The following SPMIP3 variants were observed in gnomAD, a reference collection of about 807,000 sequenced individuals.
SPMIP3 encodes the protein sperm microtubule inner protein 3, also known as protein SPMIP3.
At chr1:244,381,922 G>A in the SPMIP3 span, among the ~76,000 whole-genome samples, 66 of 152,286 alleles carry the variant, frequency 4.3e-4, 1 homozygote, top group South Asian at 0.013. Context: ...GCAAGACTCC[G>A]TCTCAAAAAA....
chr1:244,373,134 A>G, the SPMIP3 span, among the ~76,000 whole-genome samples: 2 of 151,716 alleles, frequency 1.3e-5, no homozygotes, highest in Admixed American at 1.3e-4. Context: ...CAATCCCAGC[A>G]CTTCGGGAGG....
the SPMIP3 span, chr1:244,375,627 A>T: frequency 2.0e-6 from 1 of 493,988 alleles, no homozygotes. Flanking sequence ...CAAACTGTTA[A>T]TGTTTTTTTT....
chr1:244,379,534 A>G, the SPMIP3 span, among the ~76,000 whole-genome samples: 26 of 152,176 alleles, frequency 1.7e-4, no homozygotes, highest in Non-Finnish European at 2.8e-4. Flanking sequence ...CCCTTGTCAC[A>G]TGACAAAATC....
chr1:244,366,652 G>C, the SPMIP3 span, among the ~76,000 whole-genome samples: 2 of 152,130 alleles, frequency 1.3e-5, no homozygotes, highest in South Asian at 4.1e-4. Flanking sequence ...GGCCAAGGCG[G>C]GTGGATCACT....
chr1:244,364,969 A>C, the SPMIP3 span, among the ~76,000 whole-genome samples: 1 of 152,230 alleles, frequency 6.6e-6, no homozygotes, highest in South Asian at 2.1e-4. Flanking sequence ...GAGGCTGACA[A>C]ATCCAGTTTC....
chr1:244,378,512 T>A, the SPMIP3 span: 1 of 1,613,940 alleles, frequency 6.2e-7, no homozygotes. Context: ...AATATCACTA[T>A]CAGCCTCAAT....
the SPMIP3 span, chr1:244,375,618 A>G: frequency 5.7e-6 from 3 of 525,042 alleles, no homozygotes; most frequent in Non-Finnish European, 1.0e-5. Context: ...AAAATATACC[A>G]AACTGTTAAT....
the SPMIP3 span, among the ~76,000 whole-genome samples, chr1:244,359,621 G>A: frequency 3.3e-5 from 5 of 152,048 alleles, no homozygotes; most frequent in Non-Finnish European, 7.4e-5. Context: ...TACTCGGGAG[G>A]CTGAGGCAGG....
chr1:244,353,032 A>G, the SPMIP3 span, among the ~76,000 whole-genome samples: 1 of 152,020 alleles, frequency 6.6e-6, no homozygotes. Context: ...CCTAGGTTTT[A>G]AAAACTGTGA....
chr1:244,380,778 C>T, the SPMIP3 span, among the ~76,000 whole-genome samples: 2 of 152,008 alleles, frequency 1.3e-5, no homozygotes, highest in East Asian at 1.9e-4. Context: ...CTGGGCTGGG[C>T]CCCTGGGTCC....
the SPMIP3 span, chr1:244,375,628 T>C: frequency 4.0e-6 from 2 of 503,476 alleles, no homozygotes; most frequent in East Asian, 3.5e-5. Flanking sequence ...AAACTGTTAA[T>C]GTTTTTTTTT....
the SPMIP3 span, chr1:244,389,235 C>T: frequency 1.8e-6 from 1 of 549,112 alleles, no homozygotes; most frequent in South Asian, 2.1e-5. Flanking sequence ...CAGCTTAGAA[C>T]AGGGAATCAA....
At chr1:244,383,405 G>T in the SPMIP3 span, among the ~76,000 whole-genome samples, 1 of 152,116 alleles carries the variant, frequency 6.6e-6, no homozygotes, top group African/African-American at 2.4e-5. Flanking sequence ...AGCTACTCAG[G>T]AGGCTGAGTC....
the SPMIP3 span, among the ~76,000 whole-genome samples, chr1:244,377,732 G>A: frequency 1.2e-4 from 18 of 152,112 alleles, no homozygotes; most frequent in Non-Finnish European, 1.9e-4. Flanking sequence ...TTTGAGTAGG[G>A]GTACAGGAAG....
chr1:244,378,380 G>C, the SPMIP3 span: 22 of 1,375,286 alleles, frequency 1.6e-5, no homozygotes, highest in Non-Finnish European at 2.0e-5. Context: ...CCTCACGGCC[G>C]TTTCCAGGGA....
At chr1:244,372,798 C>T in the SPMIP3 span, among the ~76,000 whole-genome samples, 1 of 152,154 alleles carries the variant, frequency 6.6e-6, no homozygotes, top group Non-Finnish European at 1.5e-5. Context: ...TCCCGAAAGA[C>T]CCCACATGTC....
At chr1:244,366,829 G>T in the SPMIP3 span, among the ~76,000 whole-genome samples, 1 of 152,100 alleles carries the variant, frequency 6.6e-6, no homozygotes, top group Non-Finnish European at 1.5e-5. Flanking sequence ...GCGATGAGCC[G>T]AGATCGCACT....
the SPMIP3 span, among the ~76,000 whole-genome samples, chr1:244,354,189 A>AG: frequency 0.73 from 110,907 of 151,848 alleles, 41,262 homozygotes; most frequent in East Asian, 0.95. Context: ...ACATAACATC[A>AG]AGTCTTGGGA....
the SPMIP3 span, chr1:244,378,534 A>T: frequency 6.2e-7 from 1 of 1,613,870 alleles, no homozygotes; most frequent in Non-Finnish European, 8.5e-7. Flanking sequence ...AGACCAACAA[A>T]CACTCATTCG....
Sources: gnomAD v4.1 joint callset for allele counts (sites outside exome capture counted in the v4.1 genomes callset) on GRCh38, gnomAD v4.1.1 for gene constraint, MANE v1.5 for transcripts, NCBI Gene and HGNC (gene_info 2026-07-23, HGNC 2026-07-21) for gene names.